FAM184A: variants seen among roughly 807,000 people sequenced by gnomAD.
FAM184A encodes the protein protein FAM184A.
FAM184A carries 99 observed loss-of-function variants against 143.8 expected under a neutral mutation model. That is an observed-to-expected ratio of 0.69 (90% CI 0.58 to 0.81). FAM184A has a LOEUF of 0.81. Ranked by LOEUF, FAM184A falls within the 40% of genes least tolerant of loss-of-function variation. The pLI is 0.00. For missense variants in FAM184A, 1,217 were observed against 1,310.5 expected (o/e 0.93, Z 1.10); for synonymous variants, 427 against 446.4 (o/e 0.96, Z 0.55).
Position 119,084,145 on chromosome 6 carries a change from T to A in FAM184A, c.-201-59332A>T, listed in dbSNP as rs1788151019. 2.6e-5 allele frequency among the ~76,000 whole-genome samples: 4 copies of A among 152,050 alleles called. No individual in the cohort carries two copies. The South Asian group carries it at 8.3e-4, about 32-fold the overall frequency. On this transcript the variant is annotated intron_variant, in intron 1 of 16. Transcript: ENST00000352896. ...TCCCACTTTAAACCATCAGATCTCATGAGAACTCACTCGCTATCATGAGAA... is the reference window on the plus strand; with the variant it reads ...TCCCACTTTAAACCATCAGATCTCAAGAGAACTCACTCGCTATCATGAGAA...
chr6:119,001,282 T>C (rs1190059421), intron 9 of FAM184A, among the ~76,000 whole-genome samples: 2 of 151,304 alleles, frequency 1.3e-5, no homozygotes. Context: ...GCAATGCGTG[T>C]GCCTAAACAA....
In FAM184A at chr6:118,972,051, C is replaced by T. The variant is rs1018230962; in HGVS notation, c.2915+2377G>A. Reference sequence around the variant, plus strand: ...AATAGAATCCCCTAGTCCTTGGGAACAGTACAGATACTGTTTCCCACAGCT... The same window carrying T: ...AATAGAATCCCCTAGTCCTTGGGAATAGTACAGATACTGTTTCCCACAGCT... On this transcript the variant is annotated intron_variant, in intron 14 of 17. Transcript: ENST00000338891. Among the ~76,000 whole-genome samples, 17 of 152,288 alleles carry T rather than the reference C, an allele frequency of 1.1e-4. 1 individual carries two copies. Among genetic ancestry groups the T allele is most frequent in the Admixed American group, 6.5e-4 (10 of 15,294 alleles).
At chr6:119,130,035 G>C (rs1433090222) in intron 1 of FAM184A, among the ~76,000 whole-genome samples, 3 of 137,680 alleles carry the variant, frequency 2.2e-5, no homozygotes, top group Non-Finnish European at 4.8e-5. Flanking sequence ...GGCTCGCAAG[G>C]TTTTAAACAT....
At chr6:119,042,824 C>T (rs1183630090) in intron 1 of FAM184A, among the ~76,000 whole-genome samples, 2 of 152,166 alleles carry the variant, frequency 1.3e-5, no homozygotes, top group African/African-American at 4.8e-5. Flanking sequence ...TGCTGACAGT[C>T]AGGGAGGCCA....
chr6:119,055,282 T>C (rs1174579038), intron 1 of FAM184A, among the ~76,000 whole-genome samples: 1 of 152,254 alleles, frequency 6.6e-6, no homozygotes, highest in African/African-American at 2.4e-5. Context: ...CCATATTTTA[T>C]TCATTCATCA....
intron 9 of FAM184A, among the ~76,000 whole-genome samples, chr6:118,999,050 A>G (rs956945346): frequency 6.6e-6 from 1 of 152,198 alleles, no homozygotes; most frequent in Non-Finnish European, 1.5e-5. Flanking sequence ...TAGAGGTAGT[A>G]GGGAGAAGCA....
At chr6:119,090,173 G>A (rs1788330982) in intron 1 of FAM184A, among the ~76,000 whole-genome samples, 1 of 152,166 alleles carries the variant, frequency 6.6e-6, no homozygotes, top group Non-Finnish European at 1.5e-5. Context: ...GAGAGATAAG[G>A]AAAAGCCATT....
At chr6:119,032,635 A>G (rs1785933712) in intron 1 of FAM184A, among the ~76,000 whole-genome samples, 1 of 142,066 alleles carries the variant, frequency 7.0e-6, no homozygotes, top group Admixed American at 7.1e-5. Context: ...GAGGAGGAGG[A>G]AGGGAGGAAA....
At chr6:119,055,138 A>G (rs1274981089) in intron 1 of FAM184A, among the ~76,000 whole-genome samples, 2 of 152,220 alleles carry the variant, frequency 1.3e-5, no homozygotes, top group African/African-American at 4.8e-5. Context: ...GAGAAATGAA[A>G]TCATACAATA....
chr6:119,104,793 A>G (rs1409605151), intron 1 of FAM184A, among the ~76,000 whole-genome samples: 1 of 152,178 alleles, frequency 6.6e-6, no homozygotes, highest in African/African-American at 2.4e-5. Flanking sequence ...GTAACTTTAG[A>G]GTGCAGAAAG....
At chr6:119,003,164 C>T in intron 8 of FAM184A, 115 bp from the exon 9 acceptor site, 1 of 924,814 alleles carries the variant, frequency 1.1e-6, no homozygotes, top group Non-Finnish European at 1.5e-6. Flanking sequence ...GTCTATGATG[C>T]TGAGGAAAGC....
At chr6:119,133,941 CA>C (rs1331186264) in intron 1 of FAM184A, among the ~76,000 whole-genome samples, 1 of 151,464 alleles carries the variant, frequency 6.6e-6, no homozygotes, top group Non-Finnish European at 1.5e-5. Context: ...TTTGGCCTCC[CA>C]AAGTGTTGGG....
At chr6:119,127,526 G>A (rs1329732480) in intron 1 of FAM184A, among the ~76,000 whole-genome samples, 6 of 152,180 alleles carry the variant, frequency 3.9e-5, no homozygotes, top group Non-Finnish European at 7.3e-5. Flanking sequence ...CTCATAGAAA[G>A]AGACTTTGCC....
At position 118,996,816 on chromosome 6, in the gene FAM184A, G is replaced by A. The variant is rs568391275; in HGVS notation, c.2088+6083C>T. On this transcript the variant is annotated intron_variant, in intron 9 of 17. Transcript: ENST00000338891. ...TGCAGCCTCTGTCTCCCGTGTTTAA[G>A]CCATTCTCATGCCTCAGCCTCCCAA... is the stretch of plus-strand genomic sequence containing the variant. Among the ~76,000 whole-genome samples, 4 of 151,700 alleles carry A rather than the reference G, an allele frequency of 2.6e-5. No homozygotes were observed. In the East Asian group the frequency reaches 7.8e-4, roughly 30 times the overall value.
At chr6:119,077,659 C>G (rs1188220619) in intron 1 of FAM184A, among the ~76,000 whole-genome samples, 1 of 152,168 alleles carries the variant, frequency 6.6e-6, no homozygotes, top group Non-Finnish European at 1.5e-5. Context: ...CAAATTGGCA[C>G]TCAAGGTATG....
At chr6:119,045,537 A>C (rs1409150008) in intron 1 of FAM184A, among the ~76,000 whole-genome samples, 1 of 152,200 alleles carries the variant, frequency 6.6e-6, no homozygotes, top group African/African-American at 2.4e-5. Context: ...GCAGTGACTT[A>C]ACAGCAGATT....
intron 8 of FAM184A, 27 bp downstream of exon 8, chr6:119,003,474 G>A: frequency 6.2e-7 from 1 of 1,600,238 alleles, no homozygotes; most frequent in Non-Finnish European, 8.5e-7. Context: ...TGTCTTTATT[G>A]ATAAGATTAC....
intron 9 of FAM184A, among the ~76,000 whole-genome samples, chr6:118,982,535 G>A (rs1161143939): frequency 2.6e-5 from 4 of 152,218 alleles, no homozygotes; most frequent in Non-Finnish European, 2.9e-5. Flanking sequence ...GTCTGCCCTG[G>A]TACAGATCTG....
At chr6:119,116,517 T>G (rs190841357) in intron 1 of FAM184A, among the ~76,000 whole-genome samples, 2 of 152,306 alleles carry the variant, frequency 1.3e-5, no homozygotes, top group Admixed American at 6.5e-5. Context: ...TGAAACCTGT[T>G]TTTAAAAAAG....
Sources: allele counts gnomAD v4.1 joint callset (sites outside exome capture counted in the v4.1 genomes callset), GRCh38; gene constraint gnomAD v4.1.1; transcripts MANE v1.5; gene names NCBI Gene and HGNC (gene_info 2026-07-23, HGNC 2026-07-21).